The following ARRDC5 variants were observed in gnomAD, a reference collection of about 807,000 sequenced individuals.
ARRDC5 encodes the protein arrestin domain containing 5.
Under a neutral mutation model 13.3 loss-of-function variants are expected in ARRDC5, and 12 were observed. That is an observed-to-expected ratio of 0.90 (90% CI 0.58 to 1.46). The LOEUF (loss-of-function observed/expected upper bound fraction) is 1.46, where lower values mean the gene tolerates loss of function less well. ARRDC5 is among the 40% of genes most tolerant of loss of function. The pLI is 0.00. For missense variants in ARRDC5, 406 were observed against 418.7 expected (o/e 0.97, Z 0.26); for synonymous variants, 181 against 173.4 (o/e 1.04, Z -0.34).
upstream of ARRDC5, among the ~76,000 whole-genome samples, chr19:4,904,800 G>A (rs1355887271): frequency 6.6e-6 from 1 of 152,214 alleles, no homozygotes; most frequent in Non-Finnish European, 1.5e-5. Flanking sequence ...TGACCTCTGA[G>A]AATGTATCAT....
At chr19:4,911,433 C>A in the ARRDC5 span, among the ~76,000 whole-genome samples, 12 of 152,154 alleles carry the variant, frequency 7.9e-5, no homozygotes, top group Non-Finnish European at 1.5e-4. Flanking sequence ...CTTTTTTAAA[C>A]ATCCACCACC....
At chr19:4,893,091 G>A (rs538157414) in intron 2 of ARRDC5, among the ~76,000 whole-genome samples, 1 of 141,552 alleles carries the variant, frequency 7.1e-6, no homozygotes, top group Non-Finnish European at 1.5e-5. Flanking sequence ...GAAAGAGCAA[G>A]ACTCCGTCTC....
rs1225628606 is a variant in ARRDC5, at chr19:4,896,348, ATTTTTT to A, written c.459+317_459+322del. ...AAAAAAAATATATATATATATATAT[ATTTTTT>A]TTTTTTTACACACACACACACACAC... On this transcript the variant is annotated intron_variant, in intron 2 of 2. Coordinates refer to ENST00000650722, the MANE Select transcript of ARRDC5 (RefSeq NM_001080523.3). Among the ~76,000 whole-genome samples the A allele has an allele frequency of 2.8e-3, 165 of 59,574 alleles. 2 individuals carry two copies. Among genetic ancestry groups the A allele is most frequent in the East Asian group, 4.5e-3 (15 of 3,368 alleles). The allele number at this position is 59,574 out of a possible 152,430, so 39.1% of individuals were successfully genotyped here.
In ARRDC5 at chr19:4,893,067, C is replaced by A. The variant is rs2031565343; in HGVS notation, c.460-1494G>T. ...GAAGTTAGCTGAGATCGCGCCACTG[C>A]ACTCCAGTCTGGCGAAAGAGCAAGA... On this transcript the variant is annotated intron_variant, in intron 2 of 2. Coordinates refer to ENST00000650722, the MANE Select transcript of ARRDC5 (RefSeq NM_001080523.3). Among the ~76,000 whole-genome samples, 3 of 147,706 alleles carry A rather than the reference C, an allele frequency of 2.0e-5. No individual in the cohort carries two copies. The South Asian group carries it at 6.3e-4, about 31-fold the overall frequency.
At chr19:4,916,491 G>C in the ARRDC5 span, among the ~76,000 whole-genome samples, 1 of 152,108 alleles carries the variant, frequency 6.6e-6, no homozygotes, top group African/African-American at 2.4e-5. Flanking sequence ...TGGTGTCTTT[G>C]TGGCGGTTGT....
rs1245226800 is a variant in ARRDC5 at position 4,891,198 on chromosome 19, A to G, written c.835T>C (p.Tyr279His). Residue 279 changes from tyrosine to histidine, a missense_variant, in exon 3 of 3, where the codon TAC becomes CAC. Tyr to His is a moderately conservative substitution (Grantham distance 83). Transcript: ENST00000650722. ...AGGTGCACGGTGGTGACCAGCTCGTAGCGAGTGTGCATGATCTCACCGTCC... is the reference window on the plus strand; with the variant it reads ...AGGTGCACGGTGGTGACCAGCTCGTGGCGAGTGTGCATGATCTCACCGTCC... ...TQDGEIMHTR[Y>H]ELVTTVHLPW... 2 of 1,613,730 alleles carry G rather than the reference A, an allele frequency of 1.2e-6. No individual in the cohort carries two copies. The highest frequency in any genetic ancestry group is 1.7e-6 in the Non-Finnish European group (2 of 1,179,856).
chr19:4,901,233 C>A (rs934750091), intron 1 of ARRDC5, among the ~76,000 whole-genome samples: 1 of 152,050 alleles, frequency 6.6e-6, no homozygotes, highest in Non-Finnish European at 1.5e-5. Context: ...GTGAGAGGAT[C>A]GCTTATGCCA....
chr19:4,898,087 TAAAA>T (rs1005319326), intron 1 of ARRDC5, among the ~76,000 whole-genome samples: 6 of 151,928 alleles, frequency 3.9e-5, no homozygotes, highest in Non-Finnish European at 8.8e-5. Context: ...ACGCCATCTC[TAAAA>T]ATAAATAAAT....
intron 1 of ARRDC5, among the ~76,000 whole-genome samples, chr19:4,898,665 CTTTT>C (rs71170878): frequency 3.8e-5 from 5 of 130,580 alleles, no homozygotes; most frequent in Non-Finnish European, 8.2e-5. Context: ...CGGGCTTGGC[CTTTT>C]TTTTTTTTTT....
the ARRDC5 span, among the ~76,000 whole-genome samples, chr19:4,908,768 A>C: frequency 6.6e-6 from 1 of 152,220 alleles, no homozygotes; most frequent in African/African-American, 2.4e-5. Flanking sequence ...CCAGATAGGA[A>C]TTTTCCCTCC....
At chr19:4,912,605 G>T in the ARRDC5 span, among the ~76,000 whole-genome samples, 1 of 152,086 alleles carries the variant, frequency 6.6e-6, no homozygotes, top group Non-Finnish European at 1.5e-5. Flanking sequence ...GGTTTATCTT[G>T]AAGCGCTCTG....
the ARRDC5 span, among the ~76,000 whole-genome samples, chr19:4,915,945 CA>C: frequency 6.6e-6 from 1 of 152,168 alleles, no homozygotes; most frequent in Admixed American, 6.5e-5. Flanking sequence ...GGACCCTTTA[CA>C]TCATCCAGAA....
At chr19:4,897,549 G>A (rs1439536591) in intron 1 of ARRDC5, among the ~76,000 whole-genome samples, 1 of 152,022 alleles carries the variant, frequency 6.6e-6, no homozygotes, top group Non-Finnish European at 1.5e-5. Flanking sequence ...ACAAAGTCTG[G>A]CTCTGTTGCT....
intron 1 of ARRDC5, among the ~76,000 whole-genome samples, chr19:4,902,102 C>T (rs1468079437): frequency 6.6e-6 from 1 of 152,106 alleles, no homozygotes; most frequent in Non-Finnish European, 1.5e-5. Context: ...ATTGGCCAGG[C>T]TGGTCTCAAA....
chr19:4,900,493 G>A (rs537041880), intron 1 of ARRDC5, among the ~76,000 whole-genome samples: 1 of 152,150 alleles, frequency 6.6e-6, no homozygotes, highest in Non-Finnish European at 1.5e-5. Flanking sequence ...AAATCATTAA[G>A]TCCTTAACAC....
At chr19:4,909,021 C>T in the ARRDC5 span, among the ~76,000 whole-genome samples, 1 of 152,164 alleles carries the variant, frequency 6.6e-6, no homozygotes, top group Non-Finnish European at 1.5e-5. Context: ...AGTGGGGAGC[C>T]CTGGCAGGCC....
chr19:4,911,140 C>G, the ARRDC5 span: 1 of 1,169,828 alleles, frequency 8.5e-7, no homozygotes, highest in Non-Finnish European at 1.2e-6. Context: ...CCCCCAACAA[C>G]CTCGTCCGGT....
chr19:4,904,340 T>C (rs984926207), upstream of ARRDC5, among the ~76,000 whole-genome samples: 8 of 152,070 alleles, frequency 5.3e-5, no homozygotes, highest in Admixed American at 3.9e-4. Context: ...CACAAATGCC[T>C]GGCTAATTTT....
the ARRDC5 span, chr19:4,909,715 T>G: frequency 2.0e-6 from 1 of 493,666 alleles, no homozygotes; most frequent in Non-Finnish European, 3.5e-6. Context: ...GCTCGGGAAC[T>G]TTGCAAAACT....
Sources: allele counts gnomAD v4.1 joint callset (sites outside exome capture counted in the v4.1 genomes callset), GRCh38; gene constraint gnomAD v4.1.1; transcripts MANE v1.5; gene names NCBI Gene and HGNC (gene_info 2026-07-23, HGNC 2026-07-21).